Variants in CAMK1D observed in about 807,000 individuals in gnomAD.
CAMK1D encodes calcium/calmodulin-dependent protein kinase type 1D.
In CAMK1D, 9 loss-of-function variants were observed where a neutral mutation model predicts 47.7. The observed-to-expected ratio is 0.19, with a 90% CI of 0.11 to 0.33. The LOEUF (loss-of-function observed/expected upper bound fraction) is 0.33. Among genes scored for constraint, CAMK1D ranks in the 10% least tolerant of loss-of-function variants. The probability of loss-of-function intolerance (pLI) is 1.00; values close to 1 mark genes in which losing one functional copy is unlikely to be tolerated. For missense variants in CAMK1D, 291 were observed against 488.7 expected (o/e 0.60, Z 3.81); for synonymous variants, 184 against 184.9 (o/e 0.99, Z 0.04).
At chr10:12,739,601 T>A (rs563483736) in intron 3 of CAMK1D, among the ~76,000 whole-genome samples, 70 of 152,224 alleles carry the variant, frequency 4.6e-4, no homozygotes, top group African/African-American at 1.6e-3. Flanking sequence ...GATATATGCT[T>A]TGATCTCAAT....
At chr10:12,776,236 GAGAA>G (rs1837240674) in intron 5 of CAMK1D, among the ~76,000 whole-genome samples, 1 of 152,244 alleles carries the variant, frequency 6.6e-6, no homozygotes, top group African/African-American at 2.4e-5. Context: ...TAGGGTTTGA[GAGAA>G]AGAAAGAAGG....
chr10:12,782,981 G>GTTTTTTTT (rs869155068), intron 5 of CAMK1D, among the ~76,000 whole-genome samples: 2 of 134,852 alleles, frequency 1.5e-5, no homozygotes, highest in African/African-American at 5.6e-5. Context: ...AGTATTTTCA[G>GTTTTTTTT]TTTTTTTTTT....
At chr10:12,523,349 C>T (rs796353247) in intron 1 of CAMK1D, among the ~76,000 whole-genome samples, 52 of 152,170 alleles carry the variant, frequency 3.4e-4, no homozygotes, top group African/African-American at 9.6e-4. Flanking sequence ...GGGTGGTGGC[C>T]GGGCAGAGGC....
intron 2 of CAMK1D, among the ~76,000 whole-genome samples, chr10:12,655,173 T>C (rs1246157774): frequency 6.6e-6 from 1 of 152,108 alleles, no homozygotes; most frequent in African/African-American, 2.4e-5. Flanking sequence ...CTGCTCGGCT[T>C]TTAGGGAGAC....
intron 1 of CAMK1D, among the ~76,000 whole-genome samples, chr10:12,507,354 T>TATAGGCCA (rs1339655033): frequency 0.017 from 2,655 of 152,338 alleles, 79 homozygotes; most frequent in African/African-American, 0.06. Flanking sequence ...TAGAGGATTC[T>TATAGGCCA]GTCCTTAGAA....
chr10:12,569,293 A>G (rs191848855), intron 2 of CAMK1D, among the ~76,000 whole-genome samples: 1 of 152,270 alleles, frequency 6.6e-6, no homozygotes, highest in East Asian at 1.9e-4. Context: ...TCATTTTAGA[A>G]TTTTTCATAG....
rs2131824537 is a variant in CAMK1D at position 12,349,672 on chromosome 10, G to T, written c.-147G>T. ...GGACCGCGGCCGCGGCGGCGGCGGC[G>T]AGAGCGAAAGAGGAAACTGCAGAGG... On this transcript the variant is annotated 5_prime_UTR_variant, in exon 1 of 11. Transcript: ENST00000619168. 2 of 162,846 alleles carry T rather than the reference G, an allele frequency of 1.2e-5. No homozygotes were observed. The highest frequency in any genetic ancestry group is 1.8e-4 in the South Asian group (1 of 5,644). The allele number at this position is 162,846 out of a possible 1,614,324, so 10.1% of individuals were successfully genotyped here.
intron 10 of CAMK1D, 109 bp from the exon 11 acceptor site, chr10:12,828,660 G>GGC (rs140735308): frequency 1.6e-6 from 1 of 631,208 alleles, no homozygotes; most frequent in Non-Finnish European, 2.7e-6. Context: ...AAAAAATTGG[G>GGC]CCCCCCCGCC....
rs114931892 is a variant in CAMK1D at position 12,532,776 on chromosome 10, T to C, written c.93-20449T>C. 4.7e-3 allele frequency among the ~76,000 whole-genome samples: 712 copies of C among 152,234 alleles called. 5 individuals are homozygous for C. The highest frequency in any genetic ancestry group is 0.016 in the African/African-American group (685 of 41,548). On this transcript the variant is annotated intron_variant, in intron 1 of 10. Transcript: ENST00000619168. ...CTATTCAGCCATAAAAAGAATACGA[T>C]CCTGTCATTTTCAACAACATGGATG...
intron 1 of CAMK1D, among the ~76,000 whole-genome samples, chr10:12,434,295 C>A (rs1832567711): frequency 6.6e-6 from 1 of 152,222 alleles, no homozygotes. Context: ...CAGACACACC[C>A]CTGACTTGTG....
chr10:12,831,797 T>C lies in CAMK1D; in HGVS notation c.*2910T>C, dbSNP rs1833423205. ...TGCTTCAGAGAAAGAGAGGCGCTCT[T>C]GTGCTTTTGAGAGAGCTCTCATGTT... is the stretch of plus-strand genomic sequence containing the variant. On this transcript the variant is annotated 3_prime_UTR_variant, in exon 11 of 11. Coordinates refer to ENST00000619168, the MANE Select transcript of CAMK1D (RefSeq NM_153498.4). 1 of 152,256 alleles carries C rather than the reference T, an allele frequency of 6.6e-6. No homozygotes were observed. The highest frequency in any genetic ancestry group is 2.4e-5 in the African/African-American group (1 of 41,480). 9.4% of individuals were successfully genotyped at this position (152,256 alleles called of 1,614,324 possible).
intron 3 of CAMK1D, among the ~76,000 whole-genome samples, chr10:12,711,970 C>G (rs558565571): frequency 5.3e-5 from 8 of 152,210 alleles, no homozygotes; most frequent in African/African-American, 1.9e-4. Flanking sequence ...TTCTGTGTGC[C>G]CTACCAACAG....
At chr10:12,759,122 G>A (rs910949167) in intron 3 of CAMK1D, among the ~76,000 whole-genome samples, 7 of 152,214 alleles carry the variant, frequency 4.6e-5, no homozygotes, top group African/African-American at 1.7e-4. Context: ...GCTAAGGCGG[G>A]AGGATCTCTT....
At chr10:12,437,589 C>G (rs1207327497) in intron 1 of CAMK1D, among the ~76,000 whole-genome samples, 1 of 152,174 alleles carries the variant, frequency 6.6e-6, no homozygotes, top group Non-Finnish European at 1.5e-5. Flanking sequence ...CACACATGCA[C>G]AGGCTCTCCT....
At chr10:12,537,087 T>G (rs953388545) in intron 1 of CAMK1D, among the ~76,000 whole-genome samples, 1 of 152,206 alleles carries the variant, frequency 6.6e-6, no homozygotes, top group African/African-American at 2.4e-5. Flanking sequence ...CTTCTTTTTT[T>G]TTGAGATGGT....
At chr10:12,353,844 AG>A (rs1269010498) in intron 1 of CAMK1D, among the ~76,000 whole-genome samples, 1 of 152,154 alleles carries the variant, frequency 6.6e-6, no homozygotes, top group Non-Finnish European at 1.5e-5. Context: ...GCAAATTAGG[AG>A]GGGTACACAT....
At chr10:12,602,889 C>T (rs1838344010) in intron 2 of CAMK1D, among the ~76,000 whole-genome samples, 1 of 36,822 alleles carries the variant, frequency 2.7e-5, no homozygotes, top group African/African-American at 6.5e-5. Flanking sequence ...GTCTTTCTAA[C>T]TGCTTGTTAT....
At chr10:12,356,785 G>A (rs1228029113) in intron 1 of CAMK1D, among the ~76,000 whole-genome samples, 5 of 150,478 alleles carry the variant, frequency 3.3e-5, no homozygotes, top group African/African-American at 1.2e-4. Flanking sequence ...TTATTGATTA[G>A]TAAAATGAGA....
chr10:12,825,066 GA>G (rs1833147920), intron 9 of CAMK1D, among the ~76,000 whole-genome samples: 1 of 152,232 alleles, frequency 6.6e-6, no homozygotes, highest in African/African-American at 2.4e-5. Flanking sequence ...AATGGTGAAA[GA>G]TGAGACGGAA....
Sources: allele counts gnomAD v4.1 joint callset (sites outside exome capture counted in the v4.1 genomes callset), GRCh38; gene constraint gnomAD v4.1.1; transcripts MANE v1.5; gene names NCBI Gene and HGNC (gene_info 2026-07-23, HGNC 2026-07-21).